The following PTPRN2 variants were observed in gnomAD, a reference collection of about 807,000 sequenced individuals.
The protein encoded by PTPRN2 is protein tyrosine phosphatase receptor type N2, also known as receptor-type tyrosine-protein phosphatase N2.
Under a neutral mutation model 118.8 loss-of-function variants are expected in PTPRN2, and 74 were observed. The observed-to-expected ratio is 0.62, with a 90% CI of 0.52 to 0.76. PTPRN2 has a LOEUF of 0.76. Ranked by LOEUF, PTPRN2 falls within the 30% of genes least tolerant of loss-of-function variation. The pLI, the probability that PTPRN2 is intolerant of heterozygous loss-of-function variation, is 0.00. For missense variants in PTPRN2, 1,481 were observed against 1,394.4 expected (o/e 1.06, Z -0.99); for synonymous variants, 641 against 608.0 (o/e 1.05, Z -0.80).
intron 1 of PTPRN2, among the ~76,000 whole-genome samples, chr7:158,554,624 T>G (rs756054602): frequency 2.6e-5 from 4 of 152,178 alleles, no homozygotes; most frequent in Non-Finnish European, 5.9e-5. Context: ...TATTTGAGAT[T>G]TGAACAAAAC....
rs942067097 is a variant in PTPRN2, at chr7:158,570,233, G to A, written c.112+17325C>T. Among the ~76,000 whole-genome samples the A allele has an allele frequency of 2.6e-5, 4 of 152,228 alleles. No homozygotes were observed. The highest frequency in any genetic ancestry group is 5.9e-5 in the Non-Finnish European group (4 of 68,040). ...CGGGCTCCGTGTCCTTCTGGAGGCC[G>A]CTCCTTGGCCATGGGCCCTCGGTCC... On this transcript the variant is annotated intron_variant, in intron 1 of 22. Coordinates refer to ENST00000389418, the MANE Select transcript of PTPRN2 (RefSeq NM_002847.5). This position sits in a 1 kb window ranked among gnomAD's most constrained non-coding sequence, Gnocchi z 4.5.
At chr7:158,223,037 G>A (rs887820040) in intron 3 of PTPRN2, among the ~76,000 whole-genome samples, 2 of 151,928 alleles carry the variant, frequency 1.3e-5, no homozygotes, top group African/African-American at 4.8e-5. Flanking sequence ...GGATAATCAG[G>A]GAATAAACAA....
chr7:157,854,343 T>G (rs1023564756), intron 12 of PTPRN2, among the ~76,000 whole-genome samples: 1 of 152,200 alleles, frequency 6.6e-6, no homozygotes, highest in African/African-American at 2.4e-5. Flanking sequence ...TCCCAGCCTG[T>G]CTGCCCACGT....
chr7:157,673,649 C>T (rs1796519432), intron 13 of PTPRN2, among the ~76,000 whole-genome samples: 1 of 146,042 alleles, frequency 6.8e-6, no homozygotes, highest in Middle Eastern at 3.7e-3. Context: ...CACAGAGGCC[C>T]CCTCTGTCCT....
chr7:158,094,549 C>T (rs1473737798), intron 10 of PTPRN2, among the ~76,000 whole-genome samples: 10 of 152,180 alleles, frequency 6.6e-5, no homozygotes, highest in South Asian at 2.1e-4. Context: ...CCTTGTGATC[C>T]GCCCACCTCG....
At chr7:157,772,376 C>A (rs1585424742) in intron 12 of PTPRN2, among the ~76,000 whole-genome samples, 1 of 152,074 alleles carries the variant, frequency 6.6e-6, no homozygotes, top group Admixed American at 6.5e-5. Flanking sequence ...GACACAGACA[C>A]ACACAGATAC....
chr7:157,798,728 A>G (rs1453306374), intron 12 of PTPRN2, among the ~76,000 whole-genome samples: 1 of 151,078 alleles, frequency 6.6e-6, no homozygotes, highest in African/African-American at 2.4e-5. Flanking sequence ...TTTTTTGCCT[A>G]TTGATGTGAA....
chr7:157,788,374 CAAAA>C (rs749886375), intron 12 of PTPRN2, among the ~76,000 whole-genome samples: 2 of 75,544 alleles, frequency 2.6e-5, no homozygotes, highest in Admixed American at 1.6e-4. Flanking sequence ...GACTCCATCT[CAAAA>C]AAAAAAAAAA....
chr7:158,032,664 A>G (rs1220753851), intron 11 of PTPRN2, among the ~76,000 whole-genome samples: 1 of 152,096 alleles, frequency 6.6e-6, no homozygotes, highest in Admixed American at 6.6e-5. Flanking sequence ...TACAACGCTA[A>G]ATGCAGAGAT....
intron 12 of PTPRN2, among the ~76,000 whole-genome samples, chr7:157,886,701 T>C (rs1447906959): frequency 6.6e-6 from 1 of 152,156 alleles, no homozygotes; most frequent in East Asian, 1.9e-4. Context: ...TTTTGAGAAA[T>C]AGAAAAAGAG....
intron 3 of PTPRN2, among the ~76,000 whole-genome samples, chr7:158,301,245 G>T (rs1800866513): frequency 6.6e-6 from 1 of 152,328 alleles, no homozygotes; most frequent in African/African-American, 2.4e-5. Flanking sequence ...AAATTAAACA[G>T]ACAGCATTGC....
intron 2 of PTPRN2, among the ~76,000 whole-genome samples, chr7:158,340,672 CCA>C (rs1416963872): frequency 2.1e-5 from 2 of 97,048 alleles, no homozygotes; most frequent in African/African-American, 3.8e-5. Flanking sequence ...TCACTCACAC[CCA>C]CACTCTCACC....
At chr7:158,261,152 C>T (rs1303477279) in intron 3 of PTPRN2, among the ~76,000 whole-genome samples, 1 of 152,114 alleles carries the variant, frequency 6.6e-6, no homozygotes, top group Non-Finnish European at 1.5e-5. Flanking sequence ...TTTCCCAGCG[C>T]ACCCCAGGAC....
At chr7:158,246,301 G>A (rs576386176) in intron 3 of PTPRN2, among the ~76,000 whole-genome samples, 27 of 151,838 alleles carry the variant, frequency 1.8e-4, no homozygotes, top group Admixed American at 1.1e-3. Context: ...AAATGGCAGC[G>A]TAATGGGTGG....
rs943523354 is a variant in PTPRN2 at position 158,052,768 on chromosome 7, G to A, written c.1723+28530C>T. 2.8e-4 allele frequency among the ~76,000 whole-genome samples: 43 copies of A among 152,110 alleles called. 1 individual carries two copies. The highest frequency in any genetic ancestry group is 7.0e-4 in the African/African-American group (29 of 41,416). On this transcript the variant is annotated intron_variant, in intron 11 of 22. Transcript: ENST00000389418. ...AGGGGTGCAGCCACTGCTTTGCCTCGAGGGGGCTGTGGAGGGGTGCCCTTT... is the reference window on the plus strand; with the variant it reads ...AGGGGTGCAGCCACTGCTTTGCCTCAAGGGGGCTGTGGAGGGGTGCCCTTT...
chr7:158,061,557 C>T (rs746728112), intron 11 of PTPRN2, among the ~76,000 whole-genome samples: 8 of 152,340 alleles, frequency 5.3e-5, no homozygotes, highest in South Asian at 4.1e-4. Context: ...CATAAACAGT[C>T]GTGGTGGCAA....
intron 10 of PTPRN2, among the ~76,000 whole-genome samples, chr7:158,107,239 TC>T (rs1388753675): frequency 6.6e-6 from 1 of 151,766 alleles, no homozygotes; most frequent in Non-Finnish European, 1.5e-5. Context: ...CCCAGATCTG[TC>T]CCCTAAGTCA....
At chr7:158,105,898 C>T (rs998347945) in intron 10 of PTPRN2, among the ~76,000 whole-genome samples, 5 of 151,560 alleles carry the variant, frequency 3.3e-5, no homozygotes, top group African/African-American at 9.7e-5. Flanking sequence ...CTATACCCGG[C>T]TCCATCACTA....
intron 11 of PTPRN2, among the ~76,000 whole-genome samples, chr7:157,949,086 A>G (rs4716824): frequency 0.52 from 79,467 of 151,988 alleles, 21,664 homozygotes; most frequent in East Asian, 0.66. Flanking sequence ...AGATGACCAC[A>G]AATGTTCCAA....
Sources: gnomAD v4.1 joint callset for allele counts (sites outside exome capture counted in the v4.1 genomes callset) on GRCh38, gnomAD v4.1.1 for gene constraint, Gnocchi (gnomAD v3.1) non-coding constraint, MANE v1.5 for transcripts, NCBI Gene and HGNC (gene_info 2026-07-23, HGNC 2026-07-21) for gene names.